Variants in SSR1 observed in about 807,000 individuals in gnomAD.
The protein encoded by SSR1 is signal sequence receptor subunit 1.
SSR1 carries 13 observed loss-of-function variants against 36.1 expected under a neutral mutation model. That is an observed-to-expected ratio of 0.36 (90% CI 0.23 to 0.57). SSR1 has a LOEUF of 0.57. SSR1 is among the 20% of genes least tolerant of loss of function. The pLI is 0.81. For synonymous variants in SSR1, 113 were observed against 118.9 expected (o/e 0.95, Z 0.32); for missense variants, 291 against 338.5 (o/e 0.86, Z 1.10).
intron 3 of SSR1, among the ~76,000 whole-genome samples, chr6:7,303,041 C>A (rs1321137299): frequency 7.0e-6 from 1 of 143,058 alleles, no homozygotes; most frequent in Admixed American, 7.4e-5. Context: ...GAGGCTGAGG[C>A]AGGAGAATCG....
rs1047251509 is a variant in SSR1, at chr6:7,286,103, T to C, written c.*3761A>G. ...AGTATCACCTTCCTTCAGTGAGCTG[T>C]CGTAAAGGTGTGTGATATGATGACT... On this transcript the variant is annotated 3_prime_UTR_variant, in exon 8 of 8. Transcript: ENST00000244763. The C allele has an allele frequency of 1.3e-5, 2 of 152,142 alleles. No homozygotes were observed. Among genetic ancestry groups the C allele is most frequent in the African/African-American group, 4.8e-5 (2 of 41,408 alleles). 9.4% of individuals were successfully genotyped at this position (152,142 alleles called of 1,614,324 possible).
chr6:7,307,041 C>A (rs1056740198), intron 2 of SSR1, among the ~76,000 whole-genome samples: 2 of 151,954 alleles, frequency 1.3e-5, no homozygotes, highest in Admixed American at 6.6e-5. Flanking sequence ...TTATGAAAAA[C>A]CCCCTTTTCC....
At chr6:7,308,028 C>T (rs571847489) in intron 2 of SSR1, among the ~76,000 whole-genome samples, 1 of 152,360 alleles carries the variant, frequency 6.6e-6, no homozygotes, top group African/African-American at 2.4e-5. Flanking sequence ...CTTACCACAA[C>T]TAGTCAAATA....
chr6:7,306,490 GT>G (rs1381241138), intron 2 of SSR1, among the ~76,000 whole-genome samples: 8 of 151,908 alleles, frequency 5.3e-5, no homozygotes, highest in Non-Finnish European at 1.2e-4. Flanking sequence ...TACAGCTCTT[GT>G]TTTAATAAAA....
chr6:7,307,925 A>G (rs1219780828), intron 2 of SSR1, among the ~76,000 whole-genome samples: 4 of 152,212 alleles, frequency 2.6e-5, no homozygotes, highest in Non-Finnish European at 2.9e-5. Flanking sequence ...TCATCAATAA[A>G]TTTCAGTACA....
chr6:7,282,523 G>C lies in SSR1; in HGVS notation c.*7341C>G, dbSNP rs1236401996. The C allele has an allele frequency of 6.6e-6, 1 of 152,282 alleles. No individual in the cohort carries two copies. Among genetic ancestry groups the C allele is most frequent in the Non-Finnish European group, 1.5e-5 (1 of 68,080 alleles). 9.4% of individuals were successfully genotyped at this position (152,282 alleles called of 1,614,324 possible). A position where few individuals can be genotyped will look rare whatever the true frequency, so the allele number is the denominator to read the frequency against. ...TCGCTGTAGAGAGAAGACCATAGAT[G>C]CACACAGACGGGGTTATCCCTTGAA... On this transcript the variant is annotated 3_prime_UTR_variant, in exon 8 of 8. Transcript: ENST00000244763.
At chr6:7,298,970 T>C (rs1757864816) in intron 4 of SSR1, 147 bp from the exon 5 acceptor site, 2 of 631,466 alleles carry the variant, frequency 3.2e-6, no homozygotes, top group East Asian at 2.8e-5. Flanking sequence ...GTAACTGCAA[T>C]ATTCTGTGGC....
chr6:7,304,371 G>A (rs1048036678), intron 2 of SSR1, among the ~76,000 whole-genome samples: 4 of 152,164 alleles, frequency 2.6e-5, no homozygotes, highest in African/African-American at 4.8e-5. Flanking sequence ...CAGACAATAC[G>A]TAAATGAATG....
intron 2 of SSR1, among the ~76,000 whole-genome samples, chr6:7,306,581 CAGTTTTAT>C (rs1758059427): frequency 6.6e-6 from 1 of 152,064 alleles, no homozygotes; most frequent in Non-Finnish European, 1.5e-5. Flanking sequence ...CATTGCGACC[CAGTTTTAT>C]AGAGTAAAAG....
At chr6:7,308,175 C>G (rs937408218) in intron 2 of SSR1, among the ~76,000 whole-genome samples, 4 of 152,124 alleles carry the variant, frequency 2.6e-5, no homozygotes, top group African/African-American at 9.7e-5. Flanking sequence ...GCTTGACTCA[C>G]AGATAATCAG....
chr6:7,309,285 CT>C (rs1166555813), intron 2 of SSR1, among the ~76,000 whole-genome samples: 1 of 152,054 alleles, frequency 6.6e-6, no homozygotes, highest in Non-Finnish European at 1.5e-5. Context: ...TAGCAAGACC[CT>C]GTCTCTACAA....
In SSR1 at chr6:7,289,237, T is replaced by C. The variant is rs1313895162; in HGVS notation, c.*627A>G. 1 of 152,206 alleles carries C rather than the reference T, an allele frequency of 6.6e-6. No homozygotes were observed. Among genetic ancestry groups the C allele is most frequent in the African/African-American group, 2.4e-5 (1 of 41,450 alleles). 9.4% of individuals were successfully genotyped at this position (152,206 alleles called of 1,614,324 possible). On this transcript the variant is annotated 3_prime_UTR_variant, in exon 8 of 8. Coordinates refer to ENST00000244763, the MANE Select transcript of SSR1 (RefSeq NM_003144.5). ...TCAGCAGAAATTTCATGTTTCACAATTTGTTGCCAGAGAGATCCCCAAATT... is the reference window on the plus strand; with the variant it reads ...TCAGCAGAAATTTCATGTTTCACAACTTGTTGCCAGAGAGATCCCCAAATT...
At chr6:7,291,254 C>T (rs1228752232) in intron 7 of SSR1, among the ~76,000 whole-genome samples, 2 of 151,898 alleles carry the variant, frequency 1.3e-5, no homozygotes, top group African/African-American at 4.8e-5. Context: ...AAAAATTAGC[C>T]AGGTGTGGCA....
intron 7 of SSR1, chr6:7,295,044 C>A: frequency 6.8e-7 from 1 of 1,479,080 alleles, no homozygotes; most frequent in Non-Finnish European, 8.9e-7. Flanking sequence ...TTTGAGAGCC[C>A]CCAATTCTCT....
At chr6:7,309,747 C>A in intron 2 of SSR1, 170 bp downstream of exon 2, 2 of 620,298 alleles carry the variant, frequency 3.2e-6, no homozygotes, top group South Asian at 1.9e-5. Flanking sequence ...TCAATTTCTG[C>A]CATGATGGTA....
chr6:7,308,263 T>G (rs1758114445), intron 2 of SSR1, among the ~76,000 whole-genome samples: 1 of 152,050 alleles, frequency 6.6e-6, no homozygotes, highest in African/African-American at 2.4e-5. Flanking sequence ...AAACAGTAGG[T>G]GCAGAAGCAT....
chr6:7,310,910 CA>C (rs1383595230), intron 1 of SSR1, among the ~76,000 whole-genome samples: 1 of 151,784 alleles, frequency 6.6e-6, no homozygotes, highest in African/African-American at 2.4e-5. Context: ...GACACCGTCT[CA>C]AAAAAATAAA....
rs960832832 is a variant in SSR1, at chr6:7,289,660, T to TA, written c.*203dup. 6.0e-4 allele frequency: 327 copies of TA among 547,080 alleles called. No individual in the cohort carries two copies. Among genetic ancestry groups the TA allele is most frequent in the Middle Eastern group, 1.5e-3 (5 of 3,354 alleles). 33.9% of individuals were successfully genotyped at this position (547,080 alleles called of 1,614,324 possible). On this transcript the variant is annotated 3_prime_UTR_variant, in exon 8 of 8. Coordinates refer to ENST00000244763, the MANE Select transcript of SSR1 (RefSeq NM_003144.5). Reference sequence around the variant, plus strand: ...CGCACACACATAGATTTTAATGGTTTAAAAAAAAACCAAATTTGTTACTTT... The same window carrying TA: ...CGCACACACATAGATTTTAATGGTTTAAAAAAAAAACCAAATTTGTTACTTT...
At chr6:7,304,925 G>A (rs1281559328) in intron 2 of SSR1, among the ~76,000 whole-genome samples, 1 of 152,186 alleles carries the variant, frequency 6.6e-6, no homozygotes, top group African/African-American at 2.4e-5. Context: ...GCACTTAAGA[G>A]AGAGTGCACT....
Sources: allele counts gnomAD v4.1 joint callset (sites outside exome capture counted in the v4.1 genomes callset), GRCh38; gene constraint gnomAD v4.1.1; transcripts MANE v1.5; gene names NCBI Gene and HGNC (gene_info 2026-07-23, HGNC 2026-07-21).